The following PTH2R variants were observed in gnomAD, a reference collection of about 807,000 sequenced individuals.
The protein encoded by PTH2R is parathyroid hormone 2 receptor.
A neutral mutation model predicts 60.3 loss-of-function variants in PTH2R; 59 were observed. The observed-to-expected ratio is 0.98, with a 90% CI of 0.79 to 1.22. The LOEUF is 1.22. Ranked by LOEUF, PTH2R falls within the 50% of genes most tolerant of loss-of-function variation. The probability of loss-of-function intolerance (pLI) is 0.00; values close to 1 mark genes in which losing one functional copy is unlikely to be tolerated. For missense variants in PTH2R, 749 were observed against 682.6 expected, an observed-to-expected ratio of 1.10 and a Z score of -1.08; for synonymous variants, 256 against 243.8, an observed-to-expected ratio of 1.05 and a Z score of -0.47.
At position 208,437,771 on chromosome 2, in the gene PTH2R, C is replaced by T. The variant is rs144936061; in HGVS notation, c.301C>T (p.Arg101Ter). The change falls in exon 4 of 13, where the codon CGA (arginine) becomes TGA (stop). Residue 101 changes from arginine to a stop codon, truncating the protein, a stop_gained. Coordinates refer to ENST00000272847, the MANE Select transcript of PTH2R (RefSeq NM_005048.4). LOFTEE classifies it high-confidence loss of function. ...YDFNHKGVAF[R>*]HCNPNGTWDF... ...TCATGTCTTTACAGGAGTTGCTTTC[C>T]GACACTGTAACCCCAATGGAACATG... is the stretch of plus-strand genomic sequence containing the variant. 8.9e-5 allele frequency: 144 copies of T among 1,612,176 alleles called. No homozygotes were observed. The highest frequency in any genetic ancestry group is 4.9e-4 in the Middle Eastern group (3 of 6,074).
At chr2:208,443,285 A>G in intron 5 of PTH2R, 63 bp from the exon 6 acceptor site, 1 of 1,411,830 alleles carries the variant, frequency 7.1e-7, no homozygotes, top group Non-Finnish European at 9.5e-7. Flanking sequence ...CAGCAGTCGC[A>G]CTGGGTGTTT....
chr2:208,398,019 C>A (rs1701244396), intron 1 of PTH2R, among the ~76,000 whole-genome samples: 1 of 152,176 alleles, frequency 6.6e-6, no homozygotes, highest in Non-Finnish European at 1.5e-5. Context: ...TTAATAACTC[C>A]TGTAACAATG....
rs571596589 is a variant in PTH2R, at chr2:208,377,966, G to A, written c.-259+17729G>A. Among the ~76,000 whole-genome samples the A allele has an allele frequency of 3.7e-3, 561 of 152,028 alleles. 9 individuals carry two copies. Among genetic ancestry groups the A allele is most frequent in the Admixed American group, 0.033 (504 of 15,274 alleles). ...CAGAGACGCTCCTCACTTCCCAGAC[G>A]GGGTGGCGGCCAGGCAGAGGCTGCA... On this transcript the variant is annotated intron_variant, in intron 1 of 12. Transcript: ENST00000617735.
At chr2:208,366,373 G>T (rs1700593620) in intron 1 of PTH2R, among the ~76,000 whole-genome samples, 1 of 152,040 alleles carries the variant, frequency 6.6e-6, no homozygotes, top group Non-Finnish European at 1.5e-5. Context: ...CTGTAGCTCA[G>T]TACCTCCTAT....
At chr2:208,441,672 G>T (rs1162003809) in intron 4 of PTH2R, among the ~76,000 whole-genome samples, 2 of 152,238 alleles carry the variant, frequency 1.3e-5, no homozygotes, top group East Asian at 3.8e-4. Context: ...TGGTGGAGAG[G>T]AGGAGGTGTC....
chr2:208,403,512 T>C (rs1701347093), upstream of PTH2R, among the ~76,000 whole-genome samples: 1 of 152,214 alleles, frequency 6.6e-6, no homozygotes, highest in Non-Finnish European at 1.5e-5. Context: ...CTAACTGATC[T>C]AACAATTAAT....
At chr2:208,388,482 C>A (rs1445025683) in intron 1 of PTH2R, among the ~76,000 whole-genome samples, 2 of 152,186 alleles carry the variant, frequency 1.3e-5, no homozygotes, top group Admixed American at 1.3e-4. Context: ...CATGTTCATA[C>A]CTGTGTCCCA....
intron 1 of PTH2R, among the ~76,000 whole-genome samples, chr2:208,378,255 C>G (rs980182015): frequency 2.0e-4 from 30 of 149,830 alleles, no homozygotes; most frequent in African/African-American, 5.9e-4. Flanking sequence ...CACCTGCAAT[C>G]CCAGGCACTC....
chr2:208,471,097 G>T (rs544123029), intron 9 of PTH2R, among the ~76,000 whole-genome samples: 3 of 152,168 alleles, frequency 2.0e-5, no homozygotes, highest in Admixed American at 1.3e-4. Context: ...GCATTCAAGA[G>T]GTGACTTGGG....
intron 1 of PTH2R, among the ~76,000 whole-genome samples, chr2:208,361,728 T>G (rs1275822768): frequency 2.0e-5 from 3 of 152,164 alleles, no homozygotes; most frequent in African/African-American, 7.2e-5. Context: ...ATTTCTTAAG[T>G]TTCATTCATG....
intron 2 of PTH2R, among the ~76,000 whole-genome samples, chr2:208,430,723 A>AT (rs1287562692): frequency 6.6e-6 from 1 of 151,208 alleles, no homozygotes; most frequent in Non-Finnish European, 1.5e-5. Flanking sequence ...ATTTTTTTGT[A>AT]TTTTTTGTTT....
chr2:208,442,400 G>A lies in PTH2R; in HGVS notation c.448G>A (p.Val150Ile), dbSNP rs753279962. ...TGAACGCCTCTATGTAATGTATACC[G>A]TTGGCTACTCCATCTCTTTTGGTTC... Reference protein sequence around the residue: ...FFERLYVMYTVGYSISFGSLA... With the variant: ...FFERLYVMYTIGYSISFGSLA... The change falls in exon 5 of 13, where the codon GTT becomes ATT. Residue 150 changes from valine to isoleucine, a missense_variant. Coordinates refer to ENST00000272847, the MANE Select transcript of PTH2R (RefSeq NM_005048.4). The A allele has an allele frequency of 2.4e-5, 38 of 1,613,170 alleles. No individual in the cohort carries two copies. The highest frequency in any genetic ancestry group is 8.3e-5 in the Admixed American group (5 of 59,990).
intron 1 of PTH2R, among the ~76,000 whole-genome samples, chr2:208,370,548 G>A (rs1268184258): frequency 6.7e-6 from 1 of 149,708 alleles, no homozygotes; most frequent in African/African-American, 2.5e-5. Context: ...CTATTCCCAC[G>A]ACTGGGAGAC....
At position 208,444,148 on chromosome 2, in the gene PTH2R, C is replaced by T. The variant is rs1479896875; in HGVS notation, c.700-586C>T. 2.6e-5 allele frequency among the ~76,000 whole-genome samples: 4 copies of T among 152,310 alleles called. No homozygotes were observed. The East Asian group carries it at 7.7e-4, about 29-fold the overall frequency. On this transcript the variant is annotated intron_variant, in intron 6 of 12. Transcript: ENST00000272847. The stretch of plus-strand genomic sequence containing the variant: ...AGTCCCTGCTGATTCTGATTCTGGG[C>T]TGGCACTGAGACTTGCTTTCCCCAA...
intron 1 of PTH2R, among the ~76,000 whole-genome samples, chr2:208,379,588 G>A (rs1004648095): frequency 2.0e-5 from 3 of 152,042 alleles, no homozygotes; most frequent in Admixed American, 6.5e-5. Context: ...GCTCTGGCAC[G>A]GTGGCTCATT....
Position 208,428,196 on chromosome 2 carries a change from T to C in PTH2R, c.76-5T>C, listed in dbSNP as rs1245343418. ...AAAATGTTTGTATTTTGTTCACTTC[T>C]ACAGCTGGATTCTGATGGCACCATT... On this transcript the variant is annotated splice_region_variant and splice_polypyrimidine_tract_variant and intron_variant, in intron 1 of 12. Coordinates refer to ENST00000272847, the MANE Select transcript of PTH2R (RefSeq NM_005048.4). The C allele has an allele frequency of 6.2e-7, 1 of 1,603,942 alleles. No individual in the cohort carries two copies. The highest frequency in any genetic ancestry group is 1.1e-5 in the South Asian group (1 of 89,944).
At chr2:208,404,936 T>C (rs1280477766), upstream of PTH2R, among the ~76,000 whole-genome samples, 1 of 152,194 alleles carries the variant, frequency 6.6e-6, no homozygotes, top group Non-Finnish European at 1.5e-5. Context: ...ACATCTGAGT[T>C]TGATGAATGG....
At chr2:208,478,230 C>T (rs1335082578) in intron 9 of PTH2R, among the ~76,000 whole-genome samples, 1 of 152,146 alleles carries the variant, frequency 6.6e-6, no homozygotes, top group Non-Finnish European at 1.5e-5. Flanking sequence ...TATACCTCCT[C>T]ACAGCTGTCT....
Position 208,443,555 on chromosome 2 carries a change from T to G in PTH2R, c.699+18T>G. ...CACAATATGTAAGTGTTTTCACCAT[T>G]TTCTCTCATTACTAATTTGTATAAC... On this transcript the variant is annotated intron_variant, in intron 6 of 12. Coordinates refer to ENST00000272847, the MANE Select transcript of PTH2R (RefSeq NM_005048.4). 1.3e-6 allele frequency: 2 copies of G among 1,570,826 alleles called. No homozygotes were observed. The highest frequency in any genetic ancestry group is 1.7e-6 in the Non-Finnish European group (2 of 1,156,726).
Sources: gnomAD v4.1 joint callset for allele counts (sites outside exome capture counted in the v4.1 genomes callset) on GRCh38, gnomAD v4.1.1 for gene constraint, MANE v1.5 for transcripts, NCBI Gene and HGNC (gene_info 2026-07-23, HGNC 2026-07-21) for gene names.